Variants in HSD17B2 observed in about 807,000 individuals in gnomAD.
HSD17B2 encodes the protein hydroxysteroid 17-beta dehydrogenase 2.
A neutral mutation model predicts 26.9 loss-of-function variants in HSD17B2; 32 were observed. The ratio of observed to expected loss-of-function variants is 1.19; its 90% CI spans 0.90 to 1.60. The LOEUF is 1.60. Ranked by LOEUF, HSD17B2 falls within the 40% of genes most tolerant of loss-of-function variation. The pLI is 0.00. For synonymous variants in HSD17B2, 246 were observed against 186.7 expected, an observed-to-expected ratio of 1.32 and a Z score of -2.59; for missense variants, 613 against 468.6, an observed-to-expected ratio of 1.31 and a Z score of -2.85.
chr16:82,085,874 C>T (rs545270436), intron 3 of HSD17B2, among the ~76,000 whole-genome samples: 1 of 151,830 alleles, frequency 6.6e-6, no homozygotes, highest in Non-Finnish European at 1.5e-5. Flanking sequence ...ATCAAAACCT[C>T]AATAAGATAA....
At position 82,072,611 on chromosome 16, in the gene HSD17B2, T is replaced by A. The variant is rs113805475; in HGVS notation, c.664+1484T>A. Among the ~76,000 whole-genome samples the A allele has an allele frequency of 9.3e-4, 141 of 152,348 alleles. 1 individual carries two copies. Among genetic ancestry groups the A allele is most frequent in the Non-Finnish European group, 8.4e-4 (57 of 68,030 alleles). On this transcript the variant is annotated intron_variant, in intron 3 of 4. Coordinates refer to ENST00000199936, the MANE Select transcript of HSD17B2 (RefSeq NM_002153.3). ...ACTTTGAGCAACACCTTCACTCATA[T>A]GAGTTCACTTTAGTTATTGCCAAAA...
intron 1 of HSD17B2, among the ~76,000 whole-genome samples, chr16:82,038,166 T>G (rs1378102418): frequency 6.6e-6 from 1 of 152,182 alleles, no homozygotes; most frequent in African/African-American, 2.4e-5. Context: ...TTTCTCCCCT[T>G]TGAGCCCTTT....
chr16:82,084,871 T>C (rs529470451), intron 3 of HSD17B2, among the ~76,000 whole-genome samples: 1 of 152,328 alleles, frequency 6.6e-6, no homozygotes, highest in Admixed American at 6.5e-5. Context: ...TAGCTGGGAA[T>C]ACAGGCACAT....
intron 1 of HSD17B2, among the ~76,000 whole-genome samples, chr16:82,065,458 G>A (rs1914548581): frequency 6.6e-6 from 1 of 152,162 alleles, no homozygotes; most frequent in African/African-American, 2.4e-5. Context: ...AAGCCTCTAG[G>A]GGGAACTGGG....
intron 2 of HSD17B2, among the ~76,000 whole-genome samples, chr16:82,070,438 C>T (rs1166301939): frequency 1.3e-5 from 2 of 152,264 alleles, no homozygotes; most frequent in Admixed American, 1.3e-4. Context: ...TTCCCCATTA[C>T]TTTCCAGAGA....
At chr16:82,076,723 C>T (rs1042201500) in intron 3 of HSD17B2, among the ~76,000 whole-genome samples, 8 of 152,024 alleles carry the variant, frequency 5.3e-5, no homozygotes, top group East Asian at 3.9e-4. Flanking sequence ...TACAGGTGTG[C>T]GCCACCATGC....
intron 1 of HSD17B2, among the ~76,000 whole-genome samples, chr16:82,038,037 C>A (rs1038948002): frequency 2.6e-5 from 4 of 152,190 alleles, no homozygotes; most frequent in Admixed American, 6.5e-5. Context: ...GATTACATTA[C>A]TCATACAATA....
chr16:82,074,130 G>A (rs895397822), intron 3 of HSD17B2, among the ~76,000 whole-genome samples: 6 of 152,182 alleles, frequency 3.9e-5, no homozygotes, highest in African/African-American at 1.4e-4. Context: ...AAACGATGCT[G>A]GGGTAACTGG....
chr16:82,056,300 T>G (rs562108829), intron 1 of HSD17B2, among the ~76,000 whole-genome samples: 1 of 152,370 alleles, frequency 6.6e-6, no homozygotes, highest in South Asian at 2.1e-4. Flanking sequence ...TTTTGTGTTA[T>G]GCTAATCTTA....
chr16:82,047,732 C>T (rs959501561), intron 1 of HSD17B2, among the ~76,000 whole-genome samples: 4 of 152,166 alleles, frequency 2.6e-5, no homozygotes, highest in Non-Finnish European at 5.9e-5. Flanking sequence ...ACCCACTGCA[C>T]ATTGGACTCT....
At chr16:82,037,346 G>A (rs546107179) in intron 1 of HSD17B2, among the ~76,000 whole-genome samples, 1 of 152,346 alleles carries the variant, frequency 6.6e-6, no homozygotes, top group Non-Finnish European at 1.5e-5. Context: ...ACCTTTGTAT[G>A]AAATCGAGAA....
In HSD17B2 at chr16:82,070,722, CT is replaced by C. The variant is rs1221523688; in HGVS notation, c.479-219del. On this transcript the variant is annotated intron_variant, in intron 2 of 4. Coordinates refer to ENST00000199936, the MANE Select transcript of HSD17B2 (RefSeq NM_002153.3). ...TGAAGAGTTTCTGGAACAGAATATT[CT>C]ACTTTACATCTCTGCACATCTAGCT... 9 of 557,822 alleles carry C rather than the reference CT, an allele frequency of 1.6e-5. No homozygotes were observed. The African/African-American group carries it at 1.7e-4, about 10-fold the overall frequency. The allele number at this position is 557,822 out of a possible 1,614,324, so 34.6% of individuals were successfully genotyped here. A position where few individuals can be genotyped will look rare whatever the true frequency, so the allele number is the denominator to read the frequency against.
intron 3 of HSD17B2, among the ~76,000 whole-genome samples, chr16:82,075,955 T>G (rs1382309510): frequency 6.8e-6 from 1 of 147,706 alleles, no homozygotes; most frequent in Non-Finnish European, 1.5e-5. Context: ...ATATACCTCA[T>G]GAACGTTGAT....
At chr16:82,039,871 C>T (rs1913723119) in intron 1 of HSD17B2, among the ~76,000 whole-genome samples, 1 of 152,154 alleles carries the variant, frequency 6.6e-6, no homozygotes, top group African/African-American at 2.4e-5. Context: ...TGTGATGGGG[C>T]ACATAAGAAA....
At chr16:82,086,701 T>C (rs185798298) in intron 3 of HSD17B2, among the ~76,000 whole-genome samples, 4 of 152,332 alleles carry the variant, frequency 2.6e-5, no homozygotes, top group Non-Finnish European at 4.4e-5. Flanking sequence ...CTGTACATTA[T>C]TGATTAAGGC....
At chr16:82,046,024 T>C (rs1913916129) in intron 1 of HSD17B2, among the ~76,000 whole-genome samples, 3 of 152,240 alleles carry the variant, frequency 2.0e-5, no homozygotes, top group South Asian at 4.1e-4. Context: ...CATCTCTCTA[T>C]GAGGCAGGGC....
intron 4 of HSD17B2, chr16:82,097,288 G>A (rs975818988): frequency 1.3e-5 from 2 of 151,302 alleles, no homozygotes; most frequent in Non-Finnish European, 2.9e-5. Context: ...ATGTGTGTGT[G>A]TGTGTATATA....
intron 1 of HSD17B2, among the ~76,000 whole-genome samples, chr16:82,040,321 C>T (rs981879421): frequency 6.6e-6 from 1 of 152,210 alleles, no homozygotes; most frequent in Non-Finnish European, 1.5e-5. Context: ...GATGGATAAA[C>T]ATTGACAGTG....
In HSD17B2 at chr16:82,080,681, A is replaced by C. The variant is rs1904354804; in HGVS notation, c.664+9554A>C. On this transcript the variant is annotated intron_variant, in intron 3 of 4. Transcript: ENST00000199936. Reference sequence around the variant, plus strand: ...TTTAAACGAGCTCCAATTTATAACAAATCACATGCACCTAATTACCGATTC... The same window carrying C: ...TTTAAACGAGCTCCAATTTATAACACATCACATGCACCTAATTACCGATTC... Among the ~76,000 whole-genome samples, 5 of 152,192 alleles carry C rather than the reference A, an allele frequency of 3.3e-5. No individual in the cohort carries two copies. The South Asian group carries it at 1.0e-3, about 32-fold the overall frequency.
Sources: gnomAD v4.1 joint callset for allele counts (sites outside exome capture counted in the v4.1 genomes callset) on GRCh38, gnomAD v4.1.1 for gene constraint, MANE v1.5 for transcripts, NCBI Gene and HGNC (gene_info 2026-07-23, HGNC 2026-07-21) for gene names.